GRID2IP: variants seen among roughly 807,000 people sequenced by gnomAD.
GRID2IP encodes Grid2 interacting protein.
GRID2IP carries 78 observed loss-of-function variants against 114.3 expected under a neutral mutation model. The observed-to-expected ratio is 0.68, with a 90% CI of 0.57 to 0.82. The LOEUF (loss-of-function observed/expected upper bound fraction) is 0.82, where lower values mean the gene tolerates loss of function less well. Ranked by LOEUF, GRID2IP falls within the 40% of genes least tolerant of loss-of-function variation. The pLI is 0.00. For missense variants in GRID2IP, 1,727 were observed against 1,678.5 expected, an observed-to-expected ratio of 1.03 and a Z score of -0.51; for synonymous variants, 809 against 724.0, an observed-to-expected ratio of 1.12 and a Z score of -1.89.
In GRID2IP at chr7:6,498,047, G is replaced by A; in HGVS notation, c.3564+17C>T. 1 of 1,534,384 alleles carries A rather than the reference G, an allele frequency of 6.5e-7. No individual in the cohort carries two copies. On this transcript the variant is annotated intron_variant, in intron 21 of 21. Coordinates refer to ENST00000457091, the MANE Select transcript of GRID2IP (RefSeq NM_001145118.2). ...CACCTCTCCAAAAGGGCCCCTCAGG[G>A]CTCCAGCGAGGCTCACCTCGAATTT...
rs1444087438 is a variant in GRID2IP, at chr7:6,519,701, G to C, written c.1268+877C>G. Among the ~76,000 whole-genome samples, 1 of 151,978 alleles carries C rather than the reference G, an allele frequency of 6.6e-6. No homozygotes were observed. Among genetic ancestry groups the C allele is most frequent in the African/African-American group, 2.4e-5 (1 of 41,362 alleles). On this transcript the variant is annotated intron_variant, in intron 7 of 21. Coordinates refer to ENST00000457091, the MANE Select transcript of GRID2IP (RefSeq NM_001145118.2). This position sits in a 1 kb window ranked among gnomAD's most constrained non-coding sequence, Gnocchi z 4.1. Reference sequence around the variant, plus strand: ...GAGTCCGGGAGGTGGGGGTTGCGGTGAGCCGAGATCGCACCACTGCACTCC... The same window carrying C: ...GAGTCCGGGAGGTGGGGGTTGCGGTCAGCCGAGATCGCACCACTGCACTCC...
At chr7:6,535,687 T>C (rs1277882259) in intron 2 of GRID2IP, among the ~76,000 whole-genome samples, 1 of 152,054 alleles carries the variant, frequency 6.6e-6, no homozygotes, top group Non-Finnish European at 1.5e-5. Context: ...TGAGACCCTG[T>C]CTCTATTTAT....
At chr7:6,500,418 C>T (rs1020040410) in intron 20 of GRID2IP, among the ~76,000 whole-genome samples, 24 of 152,120 alleles carry the variant, frequency 1.6e-4, no homozygotes, top group African/African-American at 5.3e-4. Context: ...GAGCCGAGAT[C>T]GCACCATTGC....
intron 17 of GRID2IP, 27 bp from the exon 18 acceptor site, chr7:6,502,899 T>C: frequency 1.3e-6 from 2 of 1,541,686 alleles, no homozygotes; most frequent in South Asian, 2.4e-5. Context: ...GGGTAGGTCC[T>C]GTCCTCACCC....
At chr7:6,500,637 A>C (rs1419651401) in intron 20 of GRID2IP, among the ~76,000 whole-genome samples, 5 of 152,206 alleles carry the variant, frequency 3.3e-5, no homozygotes, top group Non-Finnish European at 5.9e-5. Context: ...ACCAGGCCCC[A>C]TGTGCTGCAG....
intron 2 of GRID2IP, among the ~76,000 whole-genome samples, chr7:6,537,260 C>T (rs774719113): frequency 6.6e-6 from 1 of 151,310 alleles, no homozygotes; most frequent in Non-Finnish European, 1.5e-5. Flanking sequence ...AAACTGAGAG[C>T]AGGCCGGGCA....
intron 20 of GRID2IP, among the ~76,000 whole-genome samples, chr7:6,498,603 A>T (rs1245058036): frequency 8.8e-6 from 1 of 113,754 alleles, no homozygotes; most frequent in African/African-American, 3.7e-5. Context: ...TTTTTGAGAC[A>T]GGGTCTTATT....
At position 6,526,351 on chromosome 7, in the gene GRID2IP, G is replaced by A; in HGVS notation, c.834-42C>T. 1.3e-6 allele frequency: 2 copies of A among 1,528,378 alleles called. No individual in the cohort carries two copies. The highest frequency in any genetic ancestry group is 1.2e-5 in the South Asian group (1 of 83,664). The allele number at this position is 1,528,378 out of a possible 1,614,324, so 94.7% of individuals were successfully genotyped here. A position where few individuals can be genotyped will look rare whatever the true frequency, so the allele number is the denominator to read the frequency against. On this transcript the variant is annotated intron_variant, in intron 3 of 21. Coordinates refer to ENST00000457091, the MANE Select transcript of GRID2IP (RefSeq NM_001145118.2). The surrounding 1 kb of genome is among the most constrained non-coding windows in gnomAD (Gnocchi z 7.6). ...GGGCGAGCAGCATGATGGAGAGGGG[G>A]CCCTGGGGCGCAGAGGTTGGAGATG...
In GRID2IP at chr7:6,528,707, A is replaced by T. The variant is rs960155152; in HGVS notation, c.585-1938T>A. ...GTAGGAGTAATTAGGCCCGCCAGGC[A>T]AAAGAAATTGCCTGGTGGGAGGAAG... On this transcript the variant is annotated intron_variant, in intron 2 of 21. Coordinates refer to ENST00000457091, the MANE Select transcript of GRID2IP (RefSeq NM_001145118.2). This position sits in a 1 kb window ranked among gnomAD's most constrained non-coding sequence, Gnocchi z 6.0. 6.6e-6 allele frequency among the ~76,000 whole-genome samples: 1 copy of T among 151,980 alleles called. No individual in the cohort carries two copies. Among genetic ancestry groups the T allele is most frequent in the African/African-American group, 2.4e-5 (1 of 41,378 alleles).
intron 1 of GRID2IP, among the ~76,000 whole-genome samples, chr7:6,548,475 G>A (rs1779919671): frequency 1.3e-5 from 2 of 152,114 alleles, no homozygotes; most frequent in African/African-American, 4.8e-5. Flanking sequence ...GCCTGTATTA[G>A]AGTATCTCAG....
chr7:6,516,025 AGGT>A lies in GRID2IP; in HGVS notation c.1269-1499_1269-1497del, dbSNP rs1340968401. 2.6e-5 allele frequency among the ~76,000 whole-genome samples: 4 copies of A among 152,164 alleles called. No individual in the cohort carries two copies. The highest frequency in any genetic ancestry group is 3.4e-3 in the Middle Eastern group (1 of 294). ...GGCAGCAGAATCGCTTGAACCCGGG[AGGT>A]GGAGGTTGCAGTGAGCTGAGATCGC... On this transcript the variant is annotated intron_variant, in intron 7 of 21. Transcript: ENST00000457091. The surrounding 1 kb of genome is among the most constrained non-coding windows in gnomAD (Gnocchi z 4.3).
Position 6,536,047 on chromosome 7 carries a change from C to G in GRID2IP, c.584+3671G>C, listed in dbSNP as rs902011953. On this transcript the variant is annotated intron_variant, in intron 2 of 21. Transcript: ENST00000457091. The surrounding 1 kb of genome is among the most constrained non-coding windows in gnomAD (Gnocchi z 5.3). ...CCAACCCTGGGAATCACAGCTGCGT[C>G]TGTGGCTTCTCCATGCCCCCTCTGA... Among the ~76,000 whole-genome samples the G allele has an allele frequency of 2.0e-4, 30 of 152,228 alleles. No homozygotes were observed. Among genetic ancestry groups the G allele is most frequent in the African/African-American group, 6.0e-4 (25 of 41,462 alleles).
chr7:6,531,137 A>C (rs1779613754), intron 2 of GRID2IP: 1 of 519,870 alleles, frequency 1.9e-6, no homozygotes, highest in African/African-American at 2.0e-5. Flanking sequence ...CAGGTGCCGA[A>C]GGGCAGGGGG....
intron 1 of GRID2IP, among the ~76,000 whole-genome samples, chr7:6,545,748 C>T (rs1779878419): frequency 1.3e-5 from 2 of 152,170 alleles, no homozygotes; most frequent in Admixed American, 6.5e-5. Flanking sequence ...GTGGATGGGA[C>T]TGAATCAAAA....
chr7:6,540,687 A>ATTTT (rs34930808), intron 1 of GRID2IP, among the ~76,000 whole-genome samples: 5,401 of 92,204 alleles, frequency 0.059, 350 homozygotes, highest in Non-Finnish European at 0.077. Flanking sequence ...CACCTGGCTA[A>ATTTT]TTTTTTTTTT....
intron 7 of GRID2IP, among the ~76,000 whole-genome samples, chr7:6,517,420 T>C (rs1779331000): frequency 6.6e-6 from 1 of 152,136 alleles, no homozygotes; most frequent in South Asian, 2.1e-4. Context: ...CCACAGGCCC[T>C]GTAGGGCTGG....
Position 6,523,508 on chromosome 7 carries a change from T to C in GRID2IP, c.920-1551A>G, listed in dbSNP as rs925908629. Among the ~76,000 whole-genome samples the C allele has an allele frequency of 1.3e-5, 2 of 152,132 alleles. No individual in the cohort carries two copies. The highest frequency in any genetic ancestry group is 6.6e-5 in the Admixed American group (1 of 15,262). On this transcript the variant is annotated intron_variant, in intron 4 of 21. Transcript: ENST00000457091. The surrounding 1 kb of genome is among the most constrained non-coding windows in gnomAD (Gnocchi z 4.5). ...ATCTAAGCATCCATTTGGCTTCCTA[T>C]GACAGGAAAGGCATGGGATCACTGG... is the stretch of plus-strand genomic sequence containing the variant.
rs1335720141 is a variant in GRID2IP, at chr7:6,502,111, G to C, written c.3158C>G (p.Ser1053Cys). The C allele has an allele frequency of 6.4e-7, 1 of 1,551,210 alleles. No homozygotes were observed. The highest frequency in any genetic ancestry group is 1.4e-5 in the African/African-American group (1 of 73,004). ...FKINFLTELN[S>C]TKTVDGKSTF... ...GGACTTCCCATCCACTGTCTTGGTG[G>C]AGTTCAGCTGCAAGTGACCCCCAAT... is the stretch of plus-strand genomic sequence containing the variant. Residue 1053 changes from serine to cysteine, a missense_variant, in exon 19 of 22, where the codon TCC becomes TGC. Physicochemically the swap from Ser to Cys is moderately radical, Grantham distance 112 (BLOSUM62 -1). Coordinates refer to ENST00000457091, the MANE Select transcript of GRID2IP (RefSeq NM_001145118.2).
rs1222815780 is a variant in GRID2IP, at chr7:6,521,509, T to A, written c.1004A>T (p.Asp335Val). 6.5e-7 allele frequency: 1 copy of A among 1,547,732 alleles called. No individual in the cohort carries two copies. The highest frequency in any genetic ancestry group is 2.4e-5 in the East Asian group (1 of 40,830). ...NGLDMRNCSH[D>V]KVVSMLQGSG... ...GCCCTGCAGCATGGACACCACCTTGTCGTGGGAGCAGTTCCTGCCAAGCAG... is the reference window on the plus strand; with the variant it reads ...GCCCTGCAGCATGGACACCACCTTGACGTGGGAGCAGTTCCTGCCAAGCAG... Residue 335 changes from aspartate (D) to valine (V), a missense_variant, in exon 6 of 22, where the codon GAC becomes GTC. Coordinates refer to ENST00000457091, the MANE Select transcript of GRID2IP (RefSeq NM_001145118.2). The surrounding 1 kb of genome is among the most constrained non-coding windows in gnomAD (Gnocchi z 4.1).
Sources: gnomAD v4.1 joint callset for allele counts (sites outside exome capture counted in the v4.1 genomes callset) on GRCh38, gnomAD v4.1.1 for gene constraint, Gnocchi (gnomAD v3.1) non-coding constraint, MANE v1.5 for transcripts, NCBI Gene and HGNC (gene_info 2026-07-23, HGNC 2026-07-21) for gene names.